The following EEIG2 variants were observed in gnomAD, a reference collection of about 807,000 sequenced individuals.
EEIG2 encodes family with sequence similarity 102 member B.
chr1:108,578,324 T>G, the EEIG2 span, among the ~76,000 whole-genome samples: 1 of 130,450 alleles, frequency 7.7e-6, no homozygotes, highest in Non-Finnish European at 1.6e-5. Flanking sequence ...TGGCCAGAAC[T>G]TTCAACACTA....
At chr1:108,584,880 A>C in the EEIG2 span, among the ~76,000 whole-genome samples, 1 of 152,122 alleles carries the variant, frequency 6.6e-6, no homozygotes, top group Non-Finnish European at 1.5e-5. Flanking sequence ...AAATACATAG[A>C]AATAGCTTTA....
chr1:108,624,898 TTATTTTGTCTAAAG>T, the EEIG2 span: 2 of 637,730 alleles, frequency 3.1e-6, no homozygotes, highest in Non-Finnish European at 5.5e-6. Flanking sequence ...ATCCAGTGCT[TTATTTTGTCTAAAG>T]TATTGTGCTC....
chr1:108,596,356 C>T, the EEIG2 span, among the ~76,000 whole-genome samples: 1 of 151,998 alleles, frequency 6.6e-6, no homozygotes, highest in African/African-American at 2.4e-5. Flanking sequence ...GCACAGTCCC[C>T]AACAACCGAC....
the EEIG2 span, among the ~76,000 whole-genome samples, chr1:108,592,765 G>A: frequency 2.0e-5 from 3 of 152,176 alleles, no homozygotes; most frequent in African/African-American, 7.2e-5. Flanking sequence ...TTTGGAAATG[G>A]TAAGACTTAG....
At chr1:108,606,103 A>T in the EEIG2 span, 1 of 541,400 alleles carries the variant, frequency 1.8e-6, no homozygotes. Flanking sequence ...AGATCGTCAG[A>T]ATTTTACTGT....
At chr1:108,600,744 ACTGG>A in the EEIG2 span, 1 of 1,536,088 alleles carries the variant, frequency 6.5e-7, no homozygotes, top group Admixed American at 1.8e-5. Flanking sequence ...TTCCGTAGTC[ACTGG>A]CTGGCTTTGT....
chr1:108,606,715 AAT>A, the EEIG2 span, among the ~76,000 whole-genome samples: 1 of 152,236 alleles, frequency 6.6e-6, no homozygotes, highest in East Asian at 1.9e-4. Context: ...CATTACCAGA[AAT>A]TCACATAGTC....
At chr1:108,573,343 T>C in the EEIG2 span, among the ~76,000 whole-genome samples, 1 of 152,264 alleles carries the variant, frequency 6.6e-6, no homozygotes, top group African/African-American at 2.4e-5. Flanking sequence ...CATTATCTTA[T>C]GTGACCTCTT....
chr1:108,598,835 GA>G, the EEIG2 span, among the ~76,000 whole-genome samples: 2 of 151,954 alleles, frequency 1.3e-5, no homozygotes, highest in Non-Finnish European at 2.9e-5. Flanking sequence ...TACTGATGGA[GA>G]AATCAGAAAA....
At chr1:108,568,746 AG>A in the EEIG2 span, among the ~76,000 whole-genome samples, 2 of 152,114 alleles carry the variant, frequency 1.3e-5, no homozygotes, top group Non-Finnish European at 2.9e-5. Context: ...TATTGCTCTC[AG>A]GGTATTGTTC....
the EEIG2 span, among the ~76,000 whole-genome samples, chr1:108,563,781 A>G: frequency 6.6e-6 from 1 of 152,226 alleles, no homozygotes; most frequent in Non-Finnish European, 1.5e-5. Context: ...ACTTCTAATG[A>G]AATTAGATCA....
the EEIG2 span, among the ~76,000 whole-genome samples, chr1:108,581,284 T>A: frequency 6.6e-6 from 1 of 152,226 alleles, no homozygotes; most frequent in Non-Finnish European, 1.5e-5. Context: ...AGAGCTCTAA[T>A]GAACATGTAC....
chr1:108,579,772 T>TGAGAAAGAGAGAGAGAGA, the EEIG2 span, among the ~76,000 whole-genome samples: 1 of 58,822 alleles, frequency 1.7e-5, no homozygotes, highest in Non-Finnish European at 3.3e-5. Flanking sequence ...TGTGTGTGTG[T>TGAGAAAGAGAGAGAGAGA]GAGAGAGAGA....
chr1:108,575,311 C>T, the EEIG2 span, among the ~76,000 whole-genome samples: 2 of 152,154 alleles, frequency 1.3e-5, no homozygotes, highest in African/African-American at 4.8e-5. Flanking sequence ...CTTATAGATG[C>T]CAACTCTTCT....
the EEIG2 span, among the ~76,000 whole-genome samples, chr1:108,630,817 C>A: frequency 6.6e-6 from 1 of 152,194 alleles, no homozygotes; most frequent in Non-Finnish European, 1.5e-5. Context: ...AGTCCCTGCA[C>A]AACTACAGAG....
At chr1:108,596,793 C>CA in the EEIG2 span, among the ~76,000 whole-genome samples, 1 of 151,706 alleles carries the variant, frequency 6.6e-6, no homozygotes, top group Non-Finnish European at 1.5e-5. Context: ...GACTGGAGTG[C>CA]AGTGGCACAC....
the EEIG2 span, among the ~76,000 whole-genome samples, chr1:108,572,273 T>A: frequency 6.6e-6 from 1 of 152,198 alleles, no homozygotes; most frequent in Non-Finnish European, 1.5e-5. Context: ...CCTTTTTTTA[T>A]AGACTTTATT....
At chr1:108,586,417 A>G in the EEIG2 span, among the ~76,000 whole-genome samples, 14 of 151,972 alleles carry the variant, frequency 9.2e-5, no homozygotes, top group Non-Finnish European at 2.1e-4. Flanking sequence ...ATGTTTACCA[A>G]TTTGTACCTA....
the EEIG2 span, among the ~76,000 whole-genome samples, chr1:108,578,789 AT>A: frequency 1.3e-5 from 2 of 149,314 alleles, no homozygotes; most frequent in East Asian, 4.0e-4. Flanking sequence ...AATATTCAAC[AT>A]TCTTAAAGAA....
Sources: gnomAD v4.1 joint callset for allele counts (sites outside exome capture counted in the v4.1 genomes callset) on GRCh38, gnomAD v4.1.1 for gene constraint, MANE v1.5 for transcripts, NCBI Gene and HGNC (gene_info 2026-07-23, HGNC 2026-07-21) for gene names.